Variants in SNTG2 observed in about 807,000 individuals in gnomAD.
SNTG2 encodes syntrophin gamma 2.
Under a neutral mutation model 70.9 loss-of-function variants are expected in SNTG2, and 74 were observed. The ratio of observed to expected loss-of-function variants is 1.04; its 90% CI spans 0.86 to 1.27. The LOEUF (loss-of-function observed/expected upper bound fraction) is 1.27, where lower values mean the gene tolerates loss of function less well. SNTG2 is among the 50% of genes most tolerant of loss of function. The probability of loss-of-function intolerance (pLI) is 0.00; values close to 1 mark genes in which losing one functional copy is unlikely to be tolerated. For synonymous variants in SNTG2, 278 were observed against 273.8 expected (o/e 1.02, Z -0.15); for missense variants, 717 against 690.7 (o/e 1.04, Z -0.43).
At chr2:1,175,617 C>G (rs909407898) in intron 8 of SNTG2, among the ~76,000 whole-genome samples, 1 of 152,164 alleles carries the variant, frequency 6.6e-6, no homozygotes, top group Non-Finnish European at 1.5e-5. Context: ...TTAATATTTT[C>G]CTACAGAGTC....
chr2:1,272,529 C>A (rs1372108309), intron 14 of SNTG2, among the ~76,000 whole-genome samples: 1 of 149,988 alleles, frequency 6.7e-6, no homozygotes, highest in Non-Finnish European at 1.5e-5. Context: ...GAAAGGACAT[C>A]CCAGGAAACA....
chr2:1,263,380 T>C (rs951169224), intron 13 of SNTG2, among the ~76,000 whole-genome samples: 50 of 152,242 alleles, frequency 3.3e-4, no homozygotes, highest in African/African-American at 1.2e-3. Flanking sequence ...GACATATTTT[T>C]AAAAATCAGA....
intron 1 of SNTG2, among the ~76,000 whole-genome samples, chr2:1,075,416 T>C (rs988188279): frequency 2.6e-5 from 4 of 152,344 alleles, no homozygotes; most frequent in South Asian, 2.1e-4. Context: ...TTAACTTTGA[T>C]GGGCAGAATA....
At chr2:1,141,643 G>C (rs1297103520) in intron 6 of SNTG2, among the ~76,000 whole-genome samples, 1 of 152,176 alleles carries the variant, frequency 6.6e-6, no homozygotes, top group Non-Finnish European at 1.5e-5. Flanking sequence ...TTTCCCTACA[G>C]CATGGCTTTT....
At position 1,180,356 on chromosome 2, in the gene SNTG2, C is replaced by T. The variant is rs1316231655; in HGVS notation, c.591+7173C>T. ...TAATATCCAGAATCTACAATGAACTCAAACAAATTTACAAGAAAAAAACAA... is the reference window on the plus strand; with the variant it reads ...TAATATCCAGAATCTACAATGAACTTAAACAAATTTACAAGAAAAAAACAA... On this transcript the variant is annotated intron_variant, in intron 8 of 16. Transcript: ENST00000308624. Among the ~76,000 whole-genome samples the T allele has an allele frequency of 7.0e-4, 94 of 134,328 alleles. 1 individual carries two copies. Among genetic ancestry groups the T allele is most frequent in the Admixed American group, 8.2e-5 (1 of 12,182 alleles). 88.1% of individuals were successfully genotyped at this position (134,328 alleles called of 152,430 possible). A position where few individuals can be genotyped will look rare whatever the true frequency, so the allele number is the denominator to read the frequency against.
chr2:1,235,306 G>T (rs1463101967), intron 9 of SNTG2, among the ~76,000 whole-genome samples: 3 of 70,054 alleles, frequency 4.3e-5, no homozygotes, highest in Admixed American at 1.2e-4. Context: ...CATGAGAGGG[G>T]GGCCCCTGCC....
intron 8 of SNTG2, among the ~76,000 whole-genome samples, chr2:1,191,800 A>AAAAG (rs1377619235): frequency 1.3e-5 from 2 of 152,150 alleles, no homozygotes; most frequent in African/African-American, 2.4e-5. Context: ...TCTCAAAATA[A>AAAAG]AAAGTTCTAA....
At chr2:1,031,687 C>G (rs542658429) in intron 1 of SNTG2, among the ~76,000 whole-genome samples, 5 of 151,298 alleles carry the variant, frequency 3.3e-5, no homozygotes, top group African/African-American at 4.9e-5. Flanking sequence ...CGTCCCACCA[C>G]GCCCAGCTAA....
intron 8 of SNTG2, among the ~76,000 whole-genome samples, chr2:1,193,109 C>T (rs1383905756): frequency 1.3e-5 from 2 of 152,350 alleles, no homozygotes; most frequent in African/African-American, 4.8e-5. Context: ...GGCCCCATTA[C>T]ATAGTCTGCA....
Position 1,267,391 on chromosome 2 carries a change from G to A in SNTG2, c.1104G>A (p.Leu368=), listed in dbSNP as rs762533060. 13 of 1,607,030 alleles carry A rather than the reference G, an allele frequency of 8.1e-6. No individual in the cohort carries two copies. Among genetic ancestry groups the A allele is most frequent in the Non-Finnish European group, 1.0e-5 (12 of 1,176,504 alleles). ...HKFWLTEDCW[L]QANLYLGLQD... is the part of the protein sequence containing the mutation. ...TCTGGCTCACAGAGGACTGCTGGTT[G>A]CAAGCAAACTTGTATCTGGGTCTTC... is the stretch of plus-strand genomic sequence containing the variant. Residue 368 remains leucine (L), a synonymous_variant, in exon 14 of 17, where the codon TTG becomes TTA. Coordinates refer to ENST00000308624, the MANE Select transcript of SNTG2 (RefSeq NM_018968.4).
chr2:1,230,331 G>A (rs1676128889), intron 9 of SNTG2, among the ~76,000 whole-genome samples: 1 of 152,188 alleles, frequency 6.6e-6, no homozygotes, highest in South Asian at 2.1e-4. Context: ...CAGAGGGACG[G>A]GCACTGGAAA....
intron 1 of SNTG2, among the ~76,000 whole-genome samples, chr2:984,614 A>G (rs1226821359): frequency 6.6e-6 from 1 of 152,184 alleles, no homozygotes. Flanking sequence ...CCTGAGCGCC[A>G]TGAGGTCAGC....
intron 9 of SNTG2, among the ~76,000 whole-genome samples, chr2:1,225,512 C>T (rs1389461585): frequency 6.6e-6 from 1 of 152,150 alleles, no homozygotes; most frequent in African/African-American, 2.4e-5. Context: ...AATTGCGCAT[C>T]CTTGTGTCCG....
At chr2:1,029,902 G>T (rs1660715204) in intron 1 of SNTG2, among the ~76,000 whole-genome samples, 2 of 152,184 alleles carry the variant, frequency 1.3e-5, no homozygotes, top group Admixed American at 6.5e-5. Flanking sequence ...GCTTTTCCCT[G>T]TTAGGCATCA....
intron 7 of SNTG2, among the ~76,000 whole-genome samples, chr2:1,172,124 C>T (rs1227799560): frequency 2.0e-5 from 3 of 152,356 alleles, no homozygotes; most frequent in African/African-American, 7.2e-5. Flanking sequence ...TCTGCAACAG[C>T]ACCATGTGGT....
At chr2:965,116 GTCCTCCTCCTTGGACCCCAA>G (rs1368396308) in intron 1 of SNTG2, among the ~76,000 whole-genome samples, 38 of 144,138 alleles carry the variant, frequency 2.6e-4, no homozygotes, top group South Asian at 1.2e-3. Context: ...TTGGACCCCA[GTCCTCCTCCTTGGACCCCAA>G]TCCTCCTCCT....
At chr2:1,001,066 A>G (rs992610179) in intron 1 of SNTG2, among the ~76,000 whole-genome samples, 13 of 152,172 alleles carry the variant, frequency 8.5e-5, no homozygotes, top group Middle Eastern at 6.8e-3. Flanking sequence ...ATAAATTCCA[A>G]CATCCCTTCA....
chr2:1,180,865 G>A (rs112642266), intron 8 of SNTG2, among the ~76,000 whole-genome samples: 47,462 of 151,268 alleles, frequency 0.31, 8,028 homozygotes, highest in East Asian at 0.65. Context: ...TGGCACATAT[G>A]CACCATGGAA....
intron 9 of SNTG2, among the ~76,000 whole-genome samples, chr2:1,229,935 C>T (rs912342723): frequency 1.7e-4 from 26 of 152,328 alleles, no homozygotes; most frequent in African/African-American, 4.6e-4. Flanking sequence ...CCAGCTGGCC[C>T]GCAAGCGCCG....
Sources: gnomAD v4.1 joint callset for allele counts (sites outside exome capture counted in the v4.1 genomes callset) on GRCh38, gnomAD v4.1.1 for gene constraint, MANE v1.5 for transcripts, NCBI Gene and HGNC (gene_info 2026-07-23, HGNC 2026-07-21) for gene names.